The following GPM6A variants were observed in gnomAD, a reference collection of about 807,000 sequenced individuals.
GPM6A encodes glycoprotein M6A.
In GPM6A, 7 loss-of-function variants were observed where a neutral mutation model predicts 32.1. The ratio of observed to expected loss-of-function variants is 0.22; its 90% CI spans 0.12 to 0.41. GPM6A has a LOEUF of 0.41. Among genes scored for constraint, GPM6A ranks in the 10% least tolerant of loss-of-function variants. The pLI is 1.00. For missense variants in GPM6A, 235 were observed against 347.2 expected, an observed-to-expected ratio of 0.68 and a Z score of 2.57; for synonymous variants, 130 against 123.4, an observed-to-expected ratio of 1.05 and a Z score of -0.35.
chr4:175,963,669 G>A (rs1713474326), intron 1 of GPM6A, among the ~76,000 whole-genome samples: 1 of 152,002 alleles, frequency 6.6e-6, no homozygotes, highest in Admixed American at 6.6e-5. Flanking sequence ...TCAGAAACCT[G>A]GATCTACATA....
intron 1 of GPM6A, among the ~76,000 whole-genome samples, chr4:175,878,796 G>T (rs1227681969): frequency 6.6e-6 from 1 of 152,054 alleles, no homozygotes; most frequent in Non-Finnish European, 1.5e-5. Flanking sequence ...TCAGAAAATG[G>T]GTTTTTCTTT....
chr4:175,869,721 C>T (rs1460739178), intron 1 of GPM6A, among the ~76,000 whole-genome samples: 1 of 152,004 alleles, frequency 6.6e-6, no homozygotes. Flanking sequence ...CATGCCACTG[C>T]ACTCCAGCCT....
At chr4:175,777,201 T>C (rs2111245094) in intron 1 of GPM6A, among the ~76,000 whole-genome samples, 1 of 152,282 alleles carries the variant, frequency 6.6e-6, no homozygotes. Context: ...ATCCCAGTTC[T>C]GGCAATAACT....
Position 175,888,738 on chromosome 4 carries a change from A to G in GPM6A, c.-22-76489T>C, listed in dbSNP as rs76737630. Among the ~76,000 whole-genome samples the G allele has an allele frequency of 7.2e-3, 1,095 of 152,260 alleles. 14 individuals are homozygous for G. Among genetic ancestry groups the G allele is most frequent in the African/African-American group, 0.025 (1,028 of 41,580 alleles). On this transcript the variant is annotated intron_variant, in intron 1 of 7. Coordinates refer to the GPM6A transcript ENST00000280187. ...CCATGTTCACTAATAAAAAATTTCA[A>G]TGCTTAAAGGTAGATATTTTCCCTA...
intron 1 of GPM6A, among the ~76,000 whole-genome samples, chr4:175,928,623 C>A (rs1029122942): frequency 6.6e-6 from 1 of 152,152 alleles, no homozygotes; most frequent in African/African-American, 2.4e-5. Context: ...ACGAAGTGGG[C>A]GCTGCAGTAG....
intron 2 of GPM6A, among the ~76,000 whole-genome samples, chr4:175,686,770 G>T (rs1379282988): frequency 6.6e-6 from 1 of 152,194 alleles, no homozygotes; most frequent in Non-Finnish European, 1.5e-5. Context: ...TAATATAGTT[G>T]ACTAATTAAT....
intron 1 of GPM6A, among the ~76,000 whole-genome samples, chr4:175,890,541 T>TTTTTA (rs1343903100): frequency 2.0e-5 from 3 of 150,526 alleles, no homozygotes; most frequent in Non-Finnish European, 4.4e-5. Flanking sequence ...TTATGCTATG[T>TTTTTA]TTTTATTTTA....
At chr4:175,695,715 A>G (rs1744540958) in intron 2 of GPM6A, among the ~76,000 whole-genome samples, 1 of 152,140 alleles carries the variant, frequency 6.6e-6, no homozygotes, top group South Asian at 2.1e-4. Context: ...TTGAATTAAT[A>G]CTGGAATGAA....
At chr4:175,939,455 T>C (rs985587376) in intron 1 of GPM6A, among the ~76,000 whole-genome samples, 3 of 152,218 alleles carry the variant, frequency 2.0e-5, no homozygotes, top group African/African-American at 7.2e-5. Context: ...GAATTATGCT[T>C]TCCTGGCTGA....
chr4:175,861,481 G>A (rs952076057), intron 1 of GPM6A, among the ~76,000 whole-genome samples: 1 of 150,436 alleles, frequency 6.6e-6, no homozygotes, highest in Non-Finnish European at 1.5e-5. Flanking sequence ...GCCAGGCACA[G>A]TGGTTCATGC....
intron 1 of GPM6A, among the ~76,000 whole-genome samples, chr4:175,756,770 C>A (rs1310755694): frequency 6.6e-6 from 1 of 151,932 alleles, no homozygotes; most frequent in African/African-American, 2.4e-5. Flanking sequence ...TCATGCACTT[C>A]GAATTAGTAT....
intron 1 of GPM6A, among the ~76,000 whole-genome samples, chr4:175,820,546 G>T (rs1735246240): frequency 7.2e-6 from 1 of 138,180 alleles, no homozygotes; most frequent in Admixed American, 8.3e-5. Context: ...TGTTGCCCAG[G>T]CTGGAGTGCA....
chr4:175,637,058 T>C lies in GPM6A; in HGVS notation c.685-2001A>G, dbSNP rs1740668326. Among the ~76,000 whole-genome samples, 5 of 108,346 alleles carry C rather than the reference T, an allele frequency of 4.6e-5. No homozygotes were observed. In the South Asian group the frequency reaches 1.1e-3, roughly 24 times the overall value. 71.1% of individuals were successfully genotyped at this position (108,346 alleles called of 152,430 possible). On this transcript the variant is annotated intron_variant, in intron 6 of 6. Transcript: ENST00000393658. Reference sequence around the variant, plus strand: ...ATATATAATATATTTATATATAAAATATTTGTAATATAAAAATATATAACA... The same window carrying C: ...ATATATAATATATTTATATATAAAACATTTGTAATATAAAAATATATAACA...
chr4:175,741,464 A>C (rs1047748326), intron 1 of GPM6A, among the ~76,000 whole-genome samples: 26 of 152,152 alleles, frequency 1.7e-4, no homozygotes, highest in African/African-American at 6.3e-4. Flanking sequence ...TATAATTGCT[A>C]ATGGAAGACA....
intron 1 of GPM6A, among the ~76,000 whole-genome samples, chr4:175,823,450 A>G (rs1476369770): frequency 2.6e-5 from 4 of 152,236 alleles, no homozygotes; most frequent in Admixed American, 2.6e-4. Flanking sequence ...AAATAAATAG[A>G]TAAGTGCAAG....
intron 1 of GPM6A, among the ~76,000 whole-genome samples, chr4:175,827,724 A>T (rs1163132307): frequency 2.0e-5 from 3 of 152,208 alleles, no homozygotes; most frequent in African/African-American, 7.2e-5. Context: ...ATGGCAGCTC[A>T]GCCAGCCCTG....
At chr4:175,764,633 A>G (rs562349671) in intron 1 of GPM6A, among the ~76,000 whole-genome samples, 1 of 152,238 alleles carries the variant, frequency 6.6e-6, no homozygotes, top group South Asian at 2.1e-4. Flanking sequence ...GATAAAATGT[A>G]TATCCTCAAT....
chr4:175,770,914 C>T (rs1041045494), intron 1 of GPM6A, among the ~76,000 whole-genome samples: 5 of 152,122 alleles, frequency 3.3e-5, no homozygotes, highest in African/African-American at 1.2e-4. Context: ...TCGGTGCATC[C>T]CTTATTTACT....
At chr4:175,800,518 T>G (rs1283481726) in intron 1 of GPM6A, among the ~76,000 whole-genome samples, 1 of 152,162 alleles carries the variant, frequency 6.6e-6, no homozygotes, top group African/African-American at 2.4e-5. Flanking sequence ...CATCCCCACT[T>G]GTTTCCCATA....
Sources: gnomAD v4.1 joint callset for allele counts (sites outside exome capture counted in the v4.1 genomes callset) on GRCh38, gnomAD v4.1.1 for gene constraint, MANE v1.5 for transcripts, NCBI Gene and HGNC (gene_info 2026-07-23, HGNC 2026-07-21) for gene names.